Variants in PARD3B observed in about 807,000 individuals in gnomAD.
PARD3B encodes the protein par-3 family cell polarity regulator beta.
PARD3B carries 103 observed loss-of-function variants against 130.2 expected under a neutral mutation model. The ratio of observed to expected loss-of-function variants is 0.79; its 90% CI spans 0.67 to 0.93. The LOEUF is 0.93. Ranked by LOEUF, PARD3B falls within the 40% of genes least tolerant of loss-of-function variation. PARD3B has a pLI of 0.00. For synonymous variants in PARD3B, 583 were observed against 553.2 expected, an observed-to-expected ratio of 1.05 and a Z score of -0.76; for missense variants, 1,609 against 1,499.2, an observed-to-expected ratio of 1.07 and a Z score of -1.21.
At chr2:205,000,801 A>T (rs1694767819) in intron 3 of PARD3B, among the ~76,000 whole-genome samples, 1 of 152,102 alleles carries the variant, frequency 6.6e-6, no homozygotes, top group African/African-American at 2.4e-5. Context: ...ATATTGCTTG[A>T]GACACTGAAC....
intron 2 of PARD3B, among the ~76,000 whole-genome samples, chr2:204,748,983 A>T (rs2040355600): frequency 6.6e-6 from 1 of 152,094 alleles, no homozygotes; most frequent in Admixed American, 6.6e-5. Context: ...AATTTTATTT[A>T]CTTGAGCCAA....
intron 22 of PARD3B, among the ~76,000 whole-genome samples, chr2:205,601,872 T>C (rs1298134037): frequency 6.6e-6 from 1 of 152,104 alleles, no homozygotes; most frequent in African/African-American, 2.4e-5. Context: ...TTTATTTCTT[T>C]CTCTTGCCTC....
intron 2 of PARD3B, among the ~76,000 whole-genome samples, chr2:204,866,338 G>T: frequency 6.6e-6 from 1 of 152,082 alleles, no homozygotes; most frequent in Non-Finnish European, 1.5e-5. Flanking sequence ...TATTGTGAGA[G>T]TTAAAAGATA....
chr2:204,858,602 A>G (rs2045053568), intron 2 of PARD3B, among the ~76,000 whole-genome samples: 1 of 151,218 alleles, frequency 6.6e-6, no homozygotes, highest in Admixed American at 6.6e-5. Context: ...AGGATGCAAC[A>G]TAGGGTACAT....
At chr2:204,841,087 G>A (rs1246399126) in intron 2 of PARD3B, among the ~76,000 whole-genome samples, 1 of 152,044 alleles carries the variant, frequency 6.6e-6, no homozygotes, top group Non-Finnish European at 1.5e-5. Context: ...GAGCACATTG[G>A]CAAGGACAAC....
At chr2:205,353,037 T>A (rs1199953908) in intron 18 of PARD3B, among the ~76,000 whole-genome samples, 1 of 152,216 alleles carries the variant, frequency 6.6e-6, no homozygotes, top group African/African-American at 2.4e-5. Context: ...AACAATCTAA[T>A]AAGGATTTGT....
At chr2:204,898,673 TG>T (rs1425925533) in intron 2 of PARD3B, among the ~76,000 whole-genome samples, 1 of 152,226 alleles carries the variant, frequency 6.6e-6, no homozygotes, top group Non-Finnish European at 1.5e-5. Flanking sequence ...AGTATTTCTT[TG>T]TTGATGTTCT....
At chr2:204,629,815 T>G (rs1484526330) in intron 1 of PARD3B, among the ~76,000 whole-genome samples, 1 of 152,220 alleles carries the variant, frequency 6.6e-6, no homozygotes, top group Non-Finnish European at 1.5e-5. Context: ...TTGAAATGTG[T>G]CTCTAAAAAG....
chr2:204,634,078 ATTCT>A (rs1483028356), intron 1 of PARD3B, among the ~76,000 whole-genome samples: 4 of 152,176 alleles, frequency 2.6e-5, no homozygotes, highest in African/African-American at 9.6e-5. Context: ...GGCCTTATTC[ATTCT>A]TTCTAACTAT....
At chr2:204,863,400 C>G (rs1012499972) in intron 2 of PARD3B, among the ~76,000 whole-genome samples, 1 of 152,176 alleles carries the variant, frequency 6.6e-6, no homozygotes, top group African/African-American at 2.4e-5. Flanking sequence ...CCCCCACAAC[C>G]ACTTCTGGTA....
chr2:204,755,484 G>A (rs527849613), intron 2 of PARD3B, among the ~76,000 whole-genome samples: 11 of 152,216 alleles, frequency 7.2e-5, no homozygotes, highest in Admixed American at 7.2e-4. Flanking sequence ...AATGGGTGTA[G>A]AGGGGAAGCA....
chr2:205,002,291 A>G (rs1694909507), intron 3 of PARD3B, among the ~76,000 whole-genome samples: 1 of 152,220 alleles, frequency 6.6e-6, no homozygotes, highest in Non-Finnish European at 1.5e-5. Flanking sequence ...AAAGCTTTAA[A>G]TAGGTCACAT....
intron 2 of PARD3B, among the ~76,000 whole-genome samples, chr2:204,924,708 G>A (rs574922179): frequency 1.3e-5 from 2 of 152,054 alleles, no homozygotes; most frequent in Admixed American, 6.6e-5. Flanking sequence ...CAGCTTTTGG[G>A]GAGCTTTAAA....
intron 4 of PARD3B, among the ~76,000 whole-genome samples, chr2:205,051,032 TG>T (rs1305256372): frequency 2.0e-5 from 3 of 152,166 alleles, no homozygotes; most frequent in African/African-American, 7.2e-5. Context: ...TCACTTTTAT[TG>T]TTCGCTCACT....
intron 2 of PARD3B, among the ~76,000 whole-genome samples, chr2:204,728,730 T>G (rs543646578): frequency 6.6e-6 from 1 of 152,200 alleles, no homozygotes; most frequent in Non-Finnish European, 1.5e-5. Context: ...ATAAATCACA[T>G]AGAGAGTAGC....
intron 1 of PARD3B, among the ~76,000 whole-genome samples, chr2:204,560,848 C>T (rs1345865586): frequency 1.3e-5 from 2 of 151,740 alleles, no homozygotes; most frequent in African/African-American, 2.4e-5. Flanking sequence ...TGGCTCAGGT[C>T]CTGCTGTTGG....
At chr2:204,840,613 C>T (rs1415808961) in intron 2 of PARD3B, among the ~76,000 whole-genome samples, 1 of 151,736 alleles carries the variant, frequency 6.6e-6, no homozygotes, top group East Asian at 1.9e-4. Context: ...ATGTTGACTA[C>T]AGTAAGATAA....
intron 2 of PARD3B, among the ~76,000 whole-genome samples, chr2:204,732,406 G>A (rs1170654900): frequency 6.6e-6 from 1 of 152,134 alleles, no homozygotes; most frequent in Non-Finnish European, 1.5e-5. Flanking sequence ...TGATATTCCA[G>A]TGCTGGATGG....
At chr2:205,223,957 G>A (rs184208270) in intron 15 of PARD3B, among the ~76,000 whole-genome samples, 7 of 151,952 alleles carry the variant, frequency 4.6e-5, no homozygotes, top group East Asian at 1.9e-4. Flanking sequence ...TAGTCATTCC[G>A]GAGGCTGAGG....
Sources: gnomAD v4.1 joint callset for allele counts (sites outside exome capture counted in the v4.1 genomes callset) on GRCh38, gnomAD v4.1.1 for gene constraint, MANE v1.5 for transcripts, NCBI Gene and HGNC (gene_info 2026-07-23, HGNC 2026-07-21) for gene names.